OSBP2: variants seen among roughly 807,000 people sequenced by gnomAD.
The protein encoded by OSBP2 is oxysterol binding protein 2.
OSBP2 carries 66 observed loss-of-function variants against 96.0 expected under a neutral mutation model. That is an observed-to-expected ratio of 0.69 (90% confidence interval 0.56 to 0.84). OSBP2 has a LOEUF of 0.84. OSBP2 is among the 40% of genes least tolerant of loss of function. The pLI, the probability that OSBP2 is intolerant of heterozygous loss-of-function variation, is 0.00. For missense variants in OSBP2, 1,038 were observed against 1,222.7 expected (o/e 0.85, Z 2.25); for synonymous variants, 525 against 520.9 (o/e 1.01, Z -0.11).
At chr22:30,877,887 G>C (rs2039618001) in intron 3 of OSBP2, among the ~76,000 whole-genome samples, 1 of 152,262 alleles carries the variant, frequency 6.6e-6, no homozygotes, top group Non-Finnish European at 1.5e-5. Flanking sequence ...TGGGAACCTT[G>C]AGCTGTGAGG....
At chr22:30,752,234 T>C (rs1291307034) in intron 2 of OSBP2, among the ~76,000 whole-genome samples, 1 of 151,144 alleles carries the variant, frequency 6.6e-6, no homozygotes, top group Non-Finnish European at 1.5e-5. Context: ...TTGCCTAAAA[T>C]GAGCTGAAGG....
At chr22:30,761,331 A>T (rs537714789) in intron 2 of OSBP2, among the ~76,000 whole-genome samples, 8 of 152,356 alleles carry the variant, frequency 5.3e-5, no homozygotes, top group Admixed American at 4.6e-4. Context: ...GTAACAAAAA[A>T]TTTTTAAAAA....
At chr22:30,898,941 A>T (rs183762162) in intron 12 of OSBP2, among the ~76,000 whole-genome samples, 9 of 151,688 alleles carry the variant, frequency 5.9e-5, no homozygotes, top group South Asian at 2.1e-4. Flanking sequence ...TTTGAGGCAT[A>T]AAAAAACTGT....
intron 2 of OSBP2, among the ~76,000 whole-genome samples, chr22:30,841,655 G>T (rs1246836885): frequency 6.6e-6 from 1 of 152,158 alleles, no homozygotes. Flanking sequence ...ACTCTAGTAA[G>T]TGAGCAATAG....
intron 1 of OSBP2, among the ~76,000 whole-genome samples, chr22:30,735,114 C>T (rs575783953): frequency 5.9e-5 from 9 of 152,262 alleles, no homozygotes; most frequent in South Asian, 4.1e-4. Flanking sequence ...ATTGTTTGAG[C>T]GCAGGAGTTC....
At chr22:30,862,877 G>A (rs1014492851) in intron 2 of OSBP2, among the ~76,000 whole-genome samples, 2 of 151,876 alleles carry the variant, frequency 1.3e-5, no homozygotes, top group Non-Finnish European at 2.9e-5. Context: ...GGAGGCTGAG[G>A]CAGGAGAATT....
intron 1 of OSBP2, among the ~76,000 whole-genome samples, chr22:30,730,809 A>ATATATATATATAAT (rs1569100787): frequency 4.7e-5 from 1 of 21,268 alleles, no homozygotes; most frequent in African/African-American, 1.9e-4. Flanking sequence ...TATATATATA[A>ATATATATATATAAT]TTTTTTTTTT....
At chr22:30,774,059 A>G (rs778594608) in intron 2 of OSBP2, among the ~76,000 whole-genome samples, 1 of 151,960 alleles carries the variant, frequency 6.6e-6, no homozygotes, top group Non-Finnish European at 1.5e-5. Flanking sequence ...CGAGTGGAGG[A>G]CCAGTGTCAT....
chr22:30,742,620 T>C (rs914980719), intron 2 of OSBP2, among the ~76,000 whole-genome samples: 1 of 152,194 alleles, frequency 6.6e-6, no homozygotes, highest in Non-Finnish European at 1.5e-5. Context: ...TTATTTTCCA[T>C]TTAGCAATAT....
At chr22:30,730,778 A>C (rs868093102) in intron 1 of OSBP2, among the ~76,000 whole-genome samples, 1,859 of 18,196 alleles carry the variant, frequency 0.1, 172 homozygotes, top group South Asian at 0.12. Context: ...CTCTCTCTAT[A>C]TATATATATA....
chr22:30,815,881 C>T (rs1206501125), intron 2 of OSBP2, among the ~76,000 whole-genome samples: 3 of 152,164 alleles, frequency 2.0e-5, no homozygotes, highest in Non-Finnish European at 4.4e-5. Context: ...CCCATTTGTG[C>T]TATTACAGAT....
At chr22:30,700,669 A>T (rs758402333) in intron 1 of OSBP2, among the ~76,000 whole-genome samples, 3 of 152,102 alleles carry the variant, frequency 2.0e-5, no homozygotes, top group African/African-American at 7.2e-5. Context: ...CATTTTAAAT[A>T]ATTTATTTAT....
chr22:30,804,401 A>T (rs1360423943), intron 2 of OSBP2, among the ~76,000 whole-genome samples: 1 of 152,234 alleles, frequency 6.6e-6, no homozygotes, highest in South Asian at 2.1e-4. Flanking sequence ...AGCTGTGCGC[A>T]TCAGAAATGA....
chr22:30,694,328 G>A (rs2088979500), upstream of OSBP2: 1 of 1,547,838 alleles, frequency 6.5e-7, no homozygotes, highest in East Asian at 2.4e-5. Context: ...GCGGCCGCAG[G>A]AGCGACCCAC....
chr22:30,758,249 A>G (rs927290618), intron 2 of OSBP2, among the ~76,000 whole-genome samples: 2 of 152,074 alleles, frequency 1.3e-5, no homozygotes, highest in Admixed American at 6.5e-5. Flanking sequence ...TAAAAATACA[A>G]AAATTAGCCG....
intron 1 of OSBP2, among the ~76,000 whole-genome samples, chr22:30,701,405 A>G (rs2089160464): frequency 7.0e-6 from 1 of 143,590 alleles, no homozygotes; most frequent in Middle Eastern, 3.6e-3. Context: ...GTGCAGTGAC[A>G]TGATCTCGAC....
At chr22:30,770,492 T>A (rs986164980) in intron 2 of OSBP2, 1 of 152,240 alleles carries the variant, frequency 6.6e-6, no homozygotes, top group African/African-American at 2.4e-5. Flanking sequence ...GGTGTCTCCT[T>A]ATTAGCAAGA....
chr22:30,838,075 T>C (rs1445172281), intron 2 of OSBP2, among the ~76,000 whole-genome samples: 1 of 152,128 alleles, frequency 6.6e-6, no homozygotes, highest in Non-Finnish European at 1.5e-5. Context: ...CTAGACACAG[T>C]GAGATTAAGT....
intron 2 of OSBP2, among the ~76,000 whole-genome samples, chr22:30,747,322 C>T (rs890902098): frequency 6.6e-6 from 1 of 151,928 alleles, no homozygotes; most frequent in South Asian, 2.1e-4. Context: ...TACTAAATAT[C>T]ACTTTAAAAT....
Sources: allele counts gnomAD v4.1 joint callset (sites outside exome capture counted in the v4.1 genomes callset), GRCh38; gene constraint gnomAD v4.1.1; transcripts MANE v1.5; gene names NCBI Gene and HGNC (gene_info 2026-07-23, HGNC 2026-07-21).